The following CRYBG3 variants were observed in gnomAD, a reference collection of about 807,000 sequenced individuals.
CRYBG3 encodes the protein crystallin beta-gamma domain containing 3, also known as very large A-kinase anchor protein.
A neutral mutation model predicts 244.2 loss-of-function variants in CRYBG3; 127 were observed. That is an observed-to-expected ratio of 0.52 (90% confidence interval 0.45 to 0.60). The LOEUF (loss-of-function observed/expected upper bound fraction) is 0.60. Ranked by LOEUF, CRYBG3 falls within the 20% of genes least tolerant of loss-of-function variation. The pLI is 0.00. For missense variants in CRYBG3, 3,325 were observed against 3,442.5 expected, an observed-to-expected ratio of 0.97 and a Z score of 0.85; for synonymous variants, 1,132 against 1,195.8, an observed-to-expected ratio of 0.95 and a Z score of 1.10.
intron 11 of CRYBG3, among the ~76,000 whole-genome samples, chr3:97,894,574 A>G (rs1248229725): frequency 6.6e-6 from 1 of 152,188 alleles, no homozygotes; most frequent in African/African-American, 2.4e-5. Context: ...TACCAGATGG[A>G]TATATAAATT....
At chr3:97,938,724 G>C (rs1038141207) in intron 19 of CRYBG3, among the ~76,000 whole-genome samples, 1 of 151,982 alleles carries the variant, frequency 6.6e-6, no homozygotes, top group Admixed American at 6.6e-5. Flanking sequence ...GGTTGAATAA[G>C]ATAATGTATA....
At chr3:97,932,740 C>T (rs1474784556) in intron 17 of CRYBG3, among the ~76,000 whole-genome samples, 1 of 152,078 alleles carries the variant, frequency 6.6e-6, no homozygotes, top group Non-Finnish European at 1.5e-5. Flanking sequence ...TGTGGGAGCA[C>T]TTGCCGCTGT....
Position 97,899,217 on chromosome 3 carries a change from G to A in CRYBG3, c.7925G>A (p.Trp2642Ter), listed in dbSNP as rs768270541. ...GGGAAATACAAATGCTTTTTTGACT[G>A]GGGAGGATCAAATAATATAATCATG... is the stretch of plus-strand genomic sequence containing the variant. ...EKGKYKCFFD[W>*]GGSNNIIMSI... is the part of the protein sequence containing the mutation. The change falls in exon 14 of 22, where the codon TGG becomes TAG. Residue 2642 changes from tryptophan to a stop codon, truncating the protein, a stop_gained. Coordinates refer to ENST00000389622, the MANE Select transcript of CRYBG3 (RefSeq NM_153605.4). LOFTEE classifies it high-confidence loss of function. The A allele has an allele frequency of 6.2e-7, 1 of 1,613,430 alleles. No individual in the cohort carries two copies. The highest frequency in any genetic ancestry group is 8.5e-7 in the Non-Finnish European group (1 of 1,179,684).
Position 97,841,350 on chromosome 3 carries a change from A to G in CRYBG3, c.150-1845A>G, listed in dbSNP as rs748158027. Among the ~76,000 whole-genome samples, 12 of 151,286 alleles carry G rather than the reference A, an allele frequency of 7.9e-5. No homozygotes were observed. The South Asian group carries it at 1.5e-3, about 18-fold the overall frequency. ...TATATATGTATATATGCATATATATATGTATATTCTTTTTCTGTTGACATT... is the reference window on the plus strand; with the variant it reads ...TATATATGTATATATGCATATATATGTGTATATTCTTTTTCTGTTGACATT... On this transcript the variant is annotated intron_variant, in intron 1 of 21. Transcript: ENST00000389622.
At chr3:97,870,696 CT>C (rs2039292329) in intron 3 of CRYBG3, among the ~76,000 whole-genome samples, 1 of 152,036 alleles carries the variant, frequency 6.6e-6, no homozygotes, top group South Asian at 2.1e-4. Context: ...TTAAGACATT[CT>C]TTTGAAATAG....
chr3:97,859,913 T>C (rs2039121934), intron 2 of CRYBG3, among the ~76,000 whole-genome samples: 1 of 152,174 alleles, frequency 6.6e-6, no homozygotes, highest in African/African-American at 2.4e-5. Flanking sequence ...TATCATCACC[T>C]CCTTCCTTTC....
intron 2 of CRYBG3, among the ~76,000 whole-genome samples, chr3:97,862,834 C>T (rs555364577): frequency 6.6e-6 from 1 of 152,280 alleles, no homozygotes; most frequent in East Asian, 1.9e-4. Context: ...AATCCTAACA[C>T]ATCAAACAAT....
At chr3:97,839,202 A>G (rs1252796576) in intron 1 of CRYBG3, among the ~76,000 whole-genome samples, 1 of 152,140 alleles carries the variant, frequency 6.6e-6, no homozygotes, top group Non-Finnish European at 1.5e-5. Flanking sequence ...ATAGGAACAG[A>G]TTGTGGTCTC....
chr3:97,850,242 A>G (rs1280728732), intron 2 of CRYBG3, among the ~76,000 whole-genome samples: 1 of 152,082 alleles, frequency 6.6e-6, no homozygotes, highest in Non-Finnish European at 1.5e-5. Flanking sequence ...ATACCCATTG[A>G]TACTATATAA....
At chr3:97,916,763 T>C (rs972427619) in intron 17 of CRYBG3, among the ~76,000 whole-genome samples, 1 of 152,120 alleles carries the variant, frequency 6.6e-6, no homozygotes, top group African/African-American at 2.4e-5. Flanking sequence ...AGACTAATTA[T>C]AGAGTCTTGG....
chr3:97,887,625 G>A (rs1222242776), intron 8 of CRYBG3, among the ~76,000 whole-genome samples: 7 of 152,070 alleles, frequency 4.6e-5, no homozygotes, highest in South Asian at 2.1e-4. Flanking sequence ...GCATGGTGGC[G>A]CATTCCTGTA....
At chr3:97,849,902 G>A (rs545666356) in intron 2 of CRYBG3, among the ~76,000 whole-genome samples, 13 of 152,106 alleles carry the variant, frequency 8.5e-5, no homozygotes, top group Admixed American at 2.6e-4. Context: ...TCCTTTTCTT[G>A]TTCCTTTCTC....
intron 16 of CRYBG3, among the ~76,000 whole-genome samples, chr3:97,914,176 C>A (rs2039902542): frequency 6.6e-6 from 1 of 151,998 alleles, no homozygotes; most frequent in Admixed American, 6.6e-5. Flanking sequence ...TATATACTTA[C>A]CTCTGAAAAG....
chr3:97,914,533 T>A (rs762862825), intron 16 of CRYBG3, among the ~76,000 whole-genome samples: 85 of 152,252 alleles, frequency 5.6e-4, no homozygotes, highest in Non-Finnish European at 7.5e-4. Flanking sequence ...CTGGAATGTG[T>A]GAGAGACCTG....
intron 8 of CRYBG3, among the ~76,000 whole-genome samples, chr3:97,887,779 A>G (rs1426542925): frequency 1.3e-5 from 2 of 152,018 alleles, no homozygotes; most frequent in Admixed American, 6.6e-5. Context: ...CAAAAACAAA[A>G]ACAAAAAACA....
chr3:97,899,386 G>T, intron 14 of CRYBG3, 123 bp downstream of exon 14: 2 of 991,338 alleles, frequency 2.0e-6, no homozygotes, highest in South Asian at 1.7e-5. Context: ...GAAAGAAAAT[G>T]CAATATCACT....
chr3:97,844,960 G>A (rs2038878149), intron 2 of CRYBG3, among the ~76,000 whole-genome samples: 1 of 152,138 alleles, frequency 6.6e-6, no homozygotes, highest in Admixed American at 6.6e-5. Flanking sequence ...TCCCGTAATA[G>A]AAAGGATACC....
At chr3:97,863,811 A>G in intron 2 of CRYBG3, among the ~76,000 whole-genome samples, 1 of 152,112 alleles carries the variant, frequency 6.6e-6, no homozygotes, top group South Asian at 2.1e-4. Flanking sequence ...ACCTCCAGTC[A>G]TATTAAACTC....
At position 97,892,889 on chromosome 3, in the gene CRYBG3, T is replaced by C. The variant is rs1392814386; in HGVS notation, c.7470T>C (p.His2490=). 6.5e-7 allele frequency: 1 copy of C among 1,540,580 alleles called. No individual in the cohort carries two copies. The highest frequency in any genetic ancestry group is 1.2e-5 in the South Asian group (1 of 83,138). ...KVIIYEKPHF[H]GQAKEFSEHI... is the part of the protein sequence containing the mutation. ...TTATTTATGAAAAACCTCACTTCCA[T>C]GGACAGGCTAAAGAGTTTAGTGAAC... The change falls in exon 11 of 22, where the codon CAT becomes CAC. Residue 2490 remains histidine, a synonymous_variant. Coordinates refer to ENST00000389622, the MANE Select transcript of CRYBG3 (RefSeq NM_153605.4).
Sources: allele counts gnomAD v4.1 joint callset (sites outside exome capture counted in the v4.1 genomes callset), GRCh38; gene constraint gnomAD v4.1.1; transcripts MANE v1.5; gene names NCBI Gene and HGNC (gene_info 2026-07-23, HGNC 2026-07-21).